DNHD1: variants seen among roughly 807,000 people sequenced by gnomAD.
DNHD1 encodes dynein heavy chain domain-containing protein 1.
Under a neutral mutation model 458.1 loss-of-function variants are expected in DNHD1, and 383 were observed. The ratio of observed to expected loss-of-function variants is 0.84; its 90% CI spans 0.77 to 0.91. The LOEUF is 0.91. Among genes scored for constraint, DNHD1 ranks in the 40% least tolerant of loss-of-function variants. The pLI, the probability that DNHD1 is intolerant of heterozygous loss-of-function variation, is 0.00. For synonymous variants in DNHD1, 2,203 were observed against 2,376.9 expected (o/e 0.93, Z 2.13); for missense variants, 5,336 against 5,866.1 (o/e 0.91, Z 2.95).
chr11:6,497,971 G>C lies in DNHD1; in HGVS notation c.-245G>C. The C allele has an allele frequency of 1.8e-6, 1 of 562,554 alleles. No homozygotes were observed. The highest frequency in any genetic ancestry group is 2.1e-5 in the South Asian group (1 of 46,556). The allele number at this position is 562,554 out of a possible 1,614,324, so 34.8% of individuals were successfully genotyped here. On this transcript the variant is annotated 5_prime_UTR_variant, in exon 3 of 43. Transcript: ENST00000254579. ...AGTAGGGAGGGCCTGAGGGTCTCAG[G>C]AAAGGCTCTCTGCTGGTCTGGCTCT...
chr11:6,515,454 A>C (rs1238363700), intron 7 of DNHD1, among the ~76,000 whole-genome samples: 2 of 152,220 alleles, frequency 1.3e-5, no homozygotes, highest in Non-Finnish European at 2.9e-5. Context: ...CTTATATGGA[A>C]CAGTTCCTCA....
In DNHD1 at chr11:6,567,227, T is replaced by C. The variant is rs189931209; in HGVS notation, c.11718T>C (p.His3906=). The C allele has an allele frequency of 1.1e-5, 17 of 1,613,984 alleles. No homozygotes were observed. The African/African-American group carries it at 2.1e-4, about 20-fold the overall frequency. ...EINHGEDLAS[H]LLQLRAHLTR... The stretch of plus-strand genomic sequence containing the variant: ...ATCACGGGGAGGACCTGGCCAGCCA[T>C]CTACTGCAATTGAGAGCACACCTGA... Residue 3906 remains histidine (H), a synonymous_variant, in exon 36 of 43, where the codon CAT becomes CAC. Transcript: ENST00000254579.
In DNHD1 at chr11:6,544,976, A is replaced by G. The variant is rs1020857869; in HGVS notation, c.4037A>G (p.Glu1346Gly). 5.8e-6 allele frequency: 9 copies of G among 1,551,586 alleles called. No individual in the cohort carries two copies. In the Admixed American group the frequency reaches 5.9e-5, roughly 10 times the overall value. ...VELEGIIMSL[E>G]SVLYGVCAHF... ...CTGGAGGGCATCATCATGAGTCTGG[A>G]GAGCGTGCTCTATGGGGTGTGTGCT... The change falls in exon 21 of 43, where the codon GAG (glutamate) becomes GGG (glycine). Residue 1346 changes from glutamate (E) to glycine (G), a missense_variant. By Grantham distance (98) the Glu-to-Gly change is moderately conservative (BLOSUM62 -2). Coordinates refer to ENST00000254579, the MANE Select transcript of DNHD1 (RefSeq NM_144666.3).
intron 7 of DNHD1, among the ~76,000 whole-genome samples, chr11:6,516,097 A>G (rs1027154511): frequency 4.6e-5 from 7 of 151,804 alleles, no homozygotes; most frequent in Non-Finnish European, 1.0e-4. Flanking sequence ...AAGACACAAT[A>G]ATTTTTTAAC....
Position 6,548,528 on chromosome 11 carries a change from A to G in DNHD1, c.7099-117A>G. ...TTTGATATATTTTCACAATCACAAG[A>G]ATACATGAAATATTTTCCAAGTACA... On this transcript the variant is annotated intron_variant, in intron 23 of 42. Coordinates refer to ENST00000254579, the MANE Select transcript of DNHD1 (RefSeq NM_144666.3). This position sits in a 1 kb window ranked among gnomAD's most constrained non-coding sequence, Gnocchi z 4.4. 1 of 1,454,750 alleles carries G rather than the reference A, an allele frequency of 6.9e-7. No homozygotes were observed. The highest frequency in any genetic ancestry group is 2.5e-5 in the East Asian group (1 of 40,278). 90.1% of individuals were successfully genotyped at this position (1,454,750 alleles called of 1,614,324 possible).
chr11:6,549,920 G>A (rs1399718057), intron 24 of DNHD1, among the ~76,000 whole-genome samples: 1 of 152,146 alleles, frequency 6.6e-6, no homozygotes, highest in Non-Finnish European at 1.5e-5. Flanking sequence ...TCTAGATGAT[G>A]AGAGTTTCTA....
intron 26 of DNHD1, 48 bp from the exon 27 acceptor site, chr11:6,558,854 G>C (rs925880577): frequency 6.5e-7 from 1 of 1,544,584 alleles, no homozygotes; most frequent in African/African-American, 1.4e-5. Flanking sequence ...TTCCTTTCCT[G>C]TTTTCCTACA....
At position 6,545,095 on chromosome 11, in the gene DNHD1, C is replaced by T. The variant is rs541981251; in HGVS notation, c.4156C>T (p.Arg1386Cys). 4.8e-5 allele frequency: 74 copies of T among 1,552,074 alleles called. No homozygotes were observed. The highest frequency in any genetic ancestry group is 1.1e-4 in the South Asian group (9 of 84,066). The change falls in exon 21 of 43, where the codon CGC becomes TGC. Residue 1386 changes from arginine (R) to cysteine (C), a missense_variant. Arg to Cys is a radical substitution (Grantham distance 180). Coordinates refer to ENST00000254579, the MANE Select transcript of DNHD1 (RefSeq NM_144666.3). This position sits in a 1 kb window ranked among gnomAD's most constrained non-coding sequence, Gnocchi z 4.9. ...ESCEAQLWVR[R>C]CFPHVHAVSF... is the part of the protein sequence containing the mutation. ...ATGCGAAGCCCAGCTATGGGTACGA[C>T]GCTGCTTTCCTCATGTGCATGCTGT...
chr11:6,508,990 C>T lies in DNHD1; in HGVS notation c.1031C>T (p.Thr344Ile). The change falls in exon 5 of 43, where the codon ACA (threonine) becomes ATA (isoleucine). Residue 344 changes from threonine to isoleucine, a missense_variant. This residue lies in a region of DNHD1 where 3,932 missense variants were observed against 4,365.6 expected (regional missense o/e 0.90). Transcript: ENST00000254579. ...VHPVEGSETM[T>I]LGTWHHHCVL... The stretch of plus-strand genomic sequence containing the variant: ...CCTGTGGAAGGTAGCGAGACGATGA[C>T]ACTGGGTACCTGGCACCATCACTGT... 6.2e-7 allele frequency: 1 copy of T among 1,614,236 alleles called. No individual in the cohort carries two copies. Among genetic ancestry groups the T allele is most frequent in the South Asian group, 1.1e-5 (1 of 91,088 alleles).
chr11:6,513,320 C>T (rs985865364), intron 7 of DNHD1, among the ~76,000 whole-genome samples: 6 of 152,102 alleles, frequency 3.9e-5, no homozygotes, highest in African/African-American at 9.7e-5. Flanking sequence ...ACCTGGATCA[C>T]GATAGAGAAC....
At chr11:6,514,752 A>T (rs1852423051) in intron 7 of DNHD1, among the ~76,000 whole-genome samples, 1 of 152,106 alleles carries the variant, frequency 6.6e-6, no homozygotes, top group Non-Finnish European at 1.5e-5. Flanking sequence ...ATAATTTGAG[A>T]GTCAATTGAA....
intron 16 of DNHD1, 67 bp from the exon 17 acceptor site, chr11:6,539,152 A>C (rs1286370983): frequency 6.3e-6 from 7 of 1,117,742 alleles, no homozygotes; most frequent in Non-Finnish European, 9.3e-6. Context: ...GGGCTCTGGG[A>C]TATGGGATAT....
At chr11:6,539,075 A>G (rs1202962307) in intron 16 of DNHD1, 144 bp from the exon 17 acceptor site, 4 of 674,838 alleles carry the variant, frequency 5.9e-6, no homozygotes, top group Non-Finnish European at 1.0e-5. Context: ...CTTGAGTTCT[A>G]AGCTGTTGGC....
chr11:6,570,509 A>T, intron 41 of DNHD1, 109 bp from the exon 42 acceptor site: 1 of 1,480,350 alleles, frequency 6.8e-7, no homozygotes, highest in Non-Finnish European at 9.0e-7. Flanking sequence ...GGTAATATTC[A>T]TACTGTTATG....
chr11:6,567,088 T>C lies in DNHD1; in HGVS notation c.11579T>C (p.Met3860Thr), dbSNP rs779145858. The change falls in exon 36 of 43, where the codon ATG becomes ACG. Residue 3860 changes from methionine to threonine, a missense_variant. Met to Thr is a moderately conservative substitution (Grantham distance 81). Coordinates refer to ENST00000254579, the MANE Select transcript of DNHD1 (RefSeq NM_144666.3). Reference protein sequence around the residue: ...YRPVVWHGMAMVKALSQLQNL... With the variant: ...YRPVVWHGMATVKALSQLQNL... ...CCTGTGGTTTGGCATGGAATGGCCA[T>C]GGTAAAGGCCCTAAGCCAACTGCAG... The C allele has an allele frequency of 1.2e-6, 2 of 1,614,016 alleles. No homozygotes were observed. Among genetic ancestry groups the C allele is most frequent in the Non-Finnish European group, 1.7e-6 (2 of 1,179,882 alleles).
At chr11:6,512,413 G>A (rs981288125) in intron 7 of DNHD1, among the ~76,000 whole-genome samples, 6 of 151,354 alleles carry the variant, frequency 4.0e-5, no homozygotes, top group South Asian at 4.2e-4. Flanking sequence ...TAGTAGAGAT[G>A]GGGTTTCACT....
chr11:6,534,217 C>A, intron 14 of DNHD1, 44 bp downstream of exon 14: 1 of 1,518,934 alleles, frequency 6.6e-7, no homozygotes, highest in Non-Finnish European at 8.9e-7. Flanking sequence ...CTGTGATAGA[C>A]CCTTCAACTG....
At chr11:6,559,796 C>T (rs1853547197) in intron 28 of DNHD1, among the ~76,000 whole-genome samples, 2 of 152,192 alleles carry the variant, frequency 1.3e-5, no homozygotes, top group Non-Finnish European at 1.5e-5. Context: ...TAATGGTATA[C>T]TAGACAAGAG....
rs767348186 is a variant in DNHD1 at position 6,547,396 on chromosome 11, TG to T, written c.6459del (p.Trp2153CysfsTer8). 1.3e-6 allele frequency: 2 copies of T among 1,551,618 alleles called. No homozygotes were observed. The highest frequency in any genetic ancestry group is 2.7e-5 in the African/African-American group (2 of 73,036). On this transcript the variant is annotated frameshift_variant, in exon 21 of 43. Coordinates refer to ENST00000254579, the MANE Select transcript of DNHD1 (RefSeq NM_144666.3). LOFTEE classifies it high-confidence loss of function. ...AGTCTGGTGTGGTGGAGAGCAGACT[TG>T]GCAGTGTATACTTAGTGCCCTGATG... is the stretch of plus-strand genomic sequence containing the variant. ...ALVWCGGEQTWQCILSALMAS... is the reference protein window; with the variant it reads ...ALVWCGGEQTXQCILSALMAS...
Sources: allele counts gnomAD v4.1 joint callset (sites outside exome capture counted in the v4.1 genomes callset), GRCh38; gene constraint gnomAD v4.1.1; regional missense constraint gnomAD v4.1.1; non-coding constraint Gnocchi (gnomAD v3.1); transcripts MANE v1.5; gene names NCBI Gene and HGNC (gene_info 2026-07-23, HGNC 2026-07-21).